The following ARL3 variants were observed in gnomAD, a reference collection of about 807,000 sequenced individuals.
ARL3 encodes the protein ARF like GTPase 3, also known as ADP-ribosylation factor-like protein 3.
ARL3 carries 9 observed loss-of-function variants against 26.0 expected under a neutral mutation model. That is an observed-to-expected ratio of 0.35 (90% CI 0.21 to 0.60). The LOEUF (loss-of-function observed/expected upper bound fraction) is 0.60. Ranked by LOEUF, ARL3 falls within the 20% of genes least tolerant of loss-of-function variation. The pLI is 0.78. For synonymous variants in ARL3, 71 were observed against 78.4 expected (o/e 0.91, Z 0.50); for missense variants, 158 against 215.7 (o/e 0.73, Z 1.67).
At chr10:102,689,161 A>G (rs1351978429) in intron 4 of ARL3, among the ~76,000 whole-genome samples, 1 of 152,082 alleles carries the variant, frequency 6.6e-6, no homozygotes, top group Non-Finnish European at 1.5e-5. Context: ...TGTCTCTACT[A>G]AAAATACAAA....
chr10:102,692,396 TAGCTTTTGAAA>T, intron 3 of ARL3, among the ~76,000 whole-genome samples: 1 of 152,348 alleles, frequency 6.6e-6, no homozygotes, highest in East Asian at 1.9e-4. Context: ...AAGGAGTCTA[TAGCTTTTGAAA>T]CATGTATACA....
chr10:102,705,269 ATT>A, intron 2 of ARL3, 75 bp downstream of exon 2: 1 of 1,453,554 alleles, frequency 6.9e-7, no homozygotes, highest in South Asian at 1.5e-5. Context: ...ACAAAACTGT[ATT>A]TCCCATTTTG....
intron 3 of ARL3, among the ~76,000 whole-genome samples, chr10:102,690,362 C>T (rs2064210594): frequency 6.8e-6 from 1 of 147,184 alleles, no homozygotes; most frequent in South Asian, 2.1e-4. Flanking sequence ...AGTGCAGTGG[C>T]ATGATTTCGG....
At chr10:102,691,392 G>T (rs565153075) in intron 3 of ARL3, among the ~76,000 whole-genome samples, 2 of 150,740 alleles carry the variant, frequency 1.3e-5, no homozygotes, top group Non-Finnish European at 2.9e-5. Flanking sequence ...TTGTTCTTGC[G>T]ACAGTTTACT....
chr10:102,679,569 G>C (rs150496243), intron 5 of ARL3, among the ~76,000 whole-genome samples: 4 of 152,324 alleles, frequency 2.6e-5, no homozygotes, highest in African/African-American at 9.6e-5. Flanking sequence ...CCGGGTGAAG[G>C]GTTCTGCCCC....
intron 1 of ARL3, among the ~76,000 whole-genome samples, chr10:102,708,906 ATATT>A (rs1286049791): frequency 1.0e-5 from 1 of 100,184 alleles, no homozygotes; most frequent in African/African-American, 3.8e-5. Context: ...ATATATATAT[ATATT>A]TTTTTTTTTT....
chr10:102,703,916 G>A (rs914724975), intron 2 of ARL3, among the ~76,000 whole-genome samples: 1 of 151,644 alleles, frequency 6.6e-6, no homozygotes, highest in Non-Finnish European at 1.5e-5. Flanking sequence ...TTGGGAGGCC[G>A]AGGCAGGTGG....
At chr10:102,694,387 T>C (rs1381733404) in intron 3 of ARL3, among the ~76,000 whole-genome samples, 2 of 152,254 alleles carry the variant, frequency 1.3e-5, no homozygotes, top group Non-Finnish European at 2.9e-5. Context: ...CAAGGTCACC[T>C]AGATGTTCTC....
At chr10:102,685,550 T>TA (rs2064179080) in intron 5 of ARL3, among the ~76,000 whole-genome samples, 1 of 152,182 alleles carries the variant, frequency 6.6e-6, no homozygotes, top group African/African-American at 2.4e-5. Context: ...CAAAGAATCC[T>TA]AGAGTTAGAG....
Position 102,714,269 on chromosome 10 carries a change from T to TC in ARL3, c.3+3dup. ...TCCAAGGGGGCCCAGGCCCCCACACTCACCATCCTCCCGCCGAGTCCCTCC... is the reference window on the plus strand; with the variant it reads ...TCCAAGGGGGCCCAGGCCCCCACACTCCACCATCCTCCCGCCGAGTCCCTCC... On this transcript the variant is annotated splice_donor_region_variant and intron_variant, in intron 1 of 5. Coordinates refer to ENST00000260746, the MANE Select transcript of ARL3 (RefSeq NM_004311.4). The TC allele has an allele frequency of 7.6e-7, 1 of 1,312,948 alleles. No individual in the cohort carries two copies. The highest frequency in any genetic ancestry group is 9.8e-7 in the Non-Finnish European group (1 of 1,022,442). The allele number at this position is 1,312,948 out of a possible 1,614,324, so 81.3% of individuals were successfully genotyped here.
chr10:102,702,875 G>A (rs1027530817), intron 2 of ARL3, among the ~76,000 whole-genome samples: 3 of 152,178 alleles, frequency 2.0e-5, no homozygotes, highest in Admixed American at 6.6e-5. Flanking sequence ...CTCATGGGCC[G>A]TGAAGTATGC....
intron 3 of ARL3, among the ~76,000 whole-genome samples, chr10:102,693,443 G>A (rs559284642): frequency 1.1e-4 from 17 of 152,094 alleles, no homozygotes; most frequent in African/African-American, 4.1e-4. Flanking sequence ...AATCCATAAT[G>A]ACATATAATA....
At chr10:102,686,420 C>T (rs1321555515) in intron 4 of ARL3, among the ~76,000 whole-genome samples, 1 of 149,940 alleles carries the variant, frequency 6.7e-6, no homozygotes, top group African/African-American at 2.5e-5. Context: ...AGCTGATCAA[C>T]TAGCAACTTT....
intron 1 of ARL3, among the ~76,000 whole-genome samples, chr10:102,711,303 G>A (rs1014558466): frequency 6.7e-6 from 1 of 149,162 alleles, no homozygotes; most frequent in African/African-American, 2.5e-5. Flanking sequence ...TCACAGACTT[G>A]TATTCAGCTT....
chr10:102,693,590 A>G (rs1361899396), intron 3 of ARL3, among the ~76,000 whole-genome samples: 1 of 152,230 alleles, frequency 6.6e-6, no homozygotes, highest in Non-Finnish European at 1.5e-5. Context: ...CTACTTTAAC[A>G]TATATGTGTT....
At chr10:102,691,006 C>T (rs1198642872) in intron 3 of ARL3, among the ~76,000 whole-genome samples, 1 of 151,802 alleles carries the variant, frequency 6.6e-6, no homozygotes, top group African/African-American at 2.4e-5. Context: ...CAGGCATGCA[C>T]CACCAGACAC....
chr10:102,679,272 T>C (rs2064143940), intron 5 of ARL3, among the ~76,000 whole-genome samples: 1 of 152,154 alleles, frequency 6.6e-6, no homozygotes, highest in Non-Finnish European at 1.5e-5. Context: ...AGCTGCCTCC[T>C]GGAAAGGAAA....
At chr10:102,692,985 C>T (rs1453758929) in intron 3 of ARL3, among the ~76,000 whole-genome samples, 1 of 152,216 alleles carries the variant, frequency 6.6e-6, no homozygotes, top group Non-Finnish European at 1.5e-5. Context: ...CATGAGCCAC[C>T]GCACCCGGCC....
chr10:102,696,127 C>CAATTTTTTTG (rs2064246248), intron 3 of ARL3, among the ~76,000 whole-genome samples: 1 of 151,868 alleles, frequency 6.6e-6, no homozygotes, highest in Non-Finnish European at 1.5e-5. Context: ...CCATGCCCGG[C>CAATTTTTTTG]TATTTTTTTG....
Sources: gnomAD v4.1 joint callset for allele counts (sites outside exome capture counted in the v4.1 genomes callset) on GRCh38, gnomAD v4.1.1 for gene constraint, MANE v1.5 for transcripts, NCBI Gene and HGNC (gene_info 2026-07-23, HGNC 2026-07-21) for gene names.